EPHB1: variants seen among roughly 807,000 people sequenced by gnomAD.
The protein encoded by EPHB1 is ephrin type-B receptor 1.
Under a neutral mutation model 94.4 loss-of-function variants are expected in EPHB1, and 30 were observed. That is an observed-to-expected ratio of 0.32 (90% CI 0.24 to 0.43). The LOEUF (loss-of-function observed/expected upper bound fraction) is 0.43. Ranked by LOEUF, EPHB1 falls within the 20% of genes least tolerant of loss-of-function variation. EPHB1 has a pLI of 1.00. For missense variants in EPHB1, 1,055 were observed against 1,308.3 expected (o/e 0.81, Z 2.99); for synonymous variants, 522 against 489.1 (o/e 1.07, Z -0.89).
At chr3:135,081,801 T>C (rs1309326169) in intron 3 of EPHB1, among the ~76,000 whole-genome samples, 1 of 151,976 alleles carries the variant, frequency 6.6e-6, no homozygotes, top group East Asian at 1.9e-4. Flanking sequence ...CTTCAATACC[T>C]AAATGGCAAT....
At chr3:134,882,283 T>C (rs2037746562) in intron 1 of EPHB1, among the ~76,000 whole-genome samples, 1 of 152,142 alleles carries the variant, frequency 6.6e-6, no homozygotes, top group South Asian at 2.1e-4. Context: ...AAGAAAAACT[T>C]GTCAGAAATT....
intron 1 of EPHB1, among the ~76,000 whole-genome samples, chr3:134,830,865 G>T (rs1330520072): frequency 1.3e-5 from 2 of 152,152 alleles, no homozygotes; most frequent in Non-Finnish European, 2.9e-5. Context: ...CTCGATACAA[G>T]GGTGCTACAG....
chr3:134,952,169 A>G (rs1194360646), intron 3 of EPHB1, 117 bp downstream of exon 3: 1 of 1,115,758 alleles, frequency 9.0e-7, no homozygotes, highest in African/African-American at 1.6e-5. Context: ...GCTTATTATA[A>G]AGCTCTGAGG....
intron 4 of EPHB1, among the ~76,000 whole-genome samples, chr3:135,126,217 G>A (rs1247829067): frequency 6.6e-6 from 1 of 152,128 alleles, no homozygotes; most frequent in Non-Finnish European, 1.5e-5. Flanking sequence ...TCATATTGAA[G>A]TAATTTTTCC....
chr3:134,980,974 G>C (rs1350784912), intron 3 of EPHB1, among the ~76,000 whole-genome samples: 1 of 152,136 alleles, frequency 6.6e-6, no homozygotes, highest in Non-Finnish European at 1.5e-5. Context: ...CTTTATCCAT[G>C]AGCTCAACAG....
At chr3:135,119,964 A>G (rs1218275940) in intron 4 of EPHB1, among the ~76,000 whole-genome samples, 1 of 152,026 alleles carries the variant, frequency 6.6e-6, no homozygotes, top group Non-Finnish European at 1.5e-5. Context: ...TATTCTTTCT[A>G]ATTGGTGGTT....
At chr3:135,131,802 G>T (rs1186667918) in intron 4 of EPHB1, among the ~76,000 whole-genome samples, 1 of 152,200 alleles carries the variant, frequency 6.6e-6, no homozygotes, top group East Asian at 1.9e-4. Flanking sequence ...GTGAGTCCCA[G>T]TGAGCCTGTC....
chr3:135,031,851 G>A (rs1024537777), intron 3 of EPHB1, among the ~76,000 whole-genome samples: 7 of 151,938 alleles, frequency 4.6e-5, no homozygotes, highest in African/African-American at 1.2e-4. Context: ...CTTATATTTC[G>A]TTGATTGGCT....
intron 1 of EPHB1, among the ~76,000 whole-genome samples, chr3:134,895,312 A>G (rs2107687183): frequency 6.6e-6 from 1 of 152,218 alleles, no homozygotes; most frequent in Middle Eastern, 3.4e-3. Flanking sequence ...TCACCAGATA[A>G]TCTGTGAGTG....
chr3:134,826,889 C>G (rs1477632076), intron 1 of EPHB1, among the ~76,000 whole-genome samples: 2 of 152,206 alleles, frequency 1.3e-5, no homozygotes, highest in Non-Finnish European at 2.9e-5. Context: ...TGCTTCAGCT[C>G]TCTTCTCTGA....
chr3:135,063,718 A>C (rs1168516899), intron 3 of EPHB1, among the ~76,000 whole-genome samples: 1 of 152,122 alleles, frequency 6.6e-6, no homozygotes, highest in Admixed American at 6.5e-5. Flanking sequence ...TAGAACTTCT[A>C]GTACTGTGTT....
intron 3 of EPHB1, among the ~76,000 whole-genome samples, chr3:135,024,847 G>C (rs1322430153): frequency 6.6e-6 from 1 of 151,870 alleles, no homozygotes; most frequent in African/African-American, 2.4e-5. Context: ...TTTAGACATT[G>C]TCTTTTGACT....
rs1941641484 is a variant in EPHB1, at chr3:135,165,994, C to A, written c.1612C>A (p.Gln538Lys). The part of the protein sequence containing the change: ...DDDYKSELRE[Q>K]LPLIAGSAAA... The stretch of plus-strand genomic sequence containing the variant: ...TGATTACAAGTCAGAGCTGAGGGAG[C>A]AGCTGCCCCTGATTGCTGGCTCGGC... Residue 538 changes from glutamine to lysine, a missense_variant, in exon 8 of 16, where the codon CAG becomes AAG. Coordinates refer to ENST00000398015, the MANE Select transcript of EPHB1 (RefSeq NM_004441.5). 1 of 1,613,806 alleles carries A rather than the reference C, an allele frequency of 6.2e-7. No individual in the cohort carries two copies.
intron 10 of EPHB1, among the ~76,000 whole-genome samples, chr3:135,182,432 G>T (rs887784234): frequency 6.6e-6 from 1 of 151,828 alleles, no homozygotes; most frequent in Admixed American, 6.6e-5. Context: ...CTTCCCTCAG[G>T]CTTTTACTGA....
chr3:134,814,432 C>T lies in EPHB1; in HGVS notation c.58+18743C>T, dbSNP rs1036077361. Among the ~76,000 whole-genome samples, 7 of 151,934 alleles carry T rather than the reference C, an allele frequency of 4.6e-5. No individual in the cohort carries two copies. The South Asian group carries it at 6.3e-4, about 14-fold the overall frequency. On this transcript the variant is annotated intron_variant, in intron 1 of 15. Transcript: ENST00000398015. The stretch of plus-strand genomic sequence containing the variant: ...AGCAATTACATTCAAGTAAGTGCTC[C>T]GTGATATAGCCAGGGGCTCGGTGAT...
Position 135,192,643 on chromosome 3 carries a change from C to T in EPHB1, c.1950C>T (p.Ile650=), listed in dbSNP as rs906585982. ...LPGKREIYVA[I]KTLKAGYSEK... ...GCAAGAGGGAAATCTACGTGGCCAT[C>T]AAGACCCTGAAGGCAGGGTACTCGG... The change falls in exon 11 of 16, where the codon ATC becomes ATT. Residue 650 remains isoleucine (I), a synonymous_variant. Transcript: ENST00000398015. 3 of 1,614,106 alleles carry T rather than the reference C, an allele frequency of 1.9e-6. No individual in the cohort carries two copies. The highest frequency in any genetic ancestry group is 2.5e-6 in the Non-Finnish European group (3 of 1,179,994).
chr3:134,883,255 CA>C (rs199536993), intron 1 of EPHB1, among the ~76,000 whole-genome samples: 2,364 of 152,306 alleles, frequency 0.016, 31 homozygotes, highest in Non-Finnish European at 0.023. Context: ...AAACTGGAAA[CA>C]TATCCAAACA....
chr3:135,039,867 AGTGCAGTGG>A (rs1936779793), intron 3 of EPHB1, among the ~76,000 whole-genome samples: 1 of 152,186 alleles, frequency 6.6e-6, no homozygotes, highest in Non-Finnish European at 1.5e-5. Context: ...GGGCTCCCAC[AGTGCAGTGG>A]GGGGGCTGAA....
chr3:135,229,437 T>C (rs955478500), intron 12 of EPHB1, among the ~76,000 whole-genome samples: 2 of 152,116 alleles, frequency 1.3e-5, no homozygotes, highest in African/African-American at 2.4e-5. Flanking sequence ...TAAATAGCTG[T>C]TGGAGGGCGG....
Sources: allele counts gnomAD v4.1 joint callset (sites outside exome capture counted in the v4.1 genomes callset), GRCh38; gene constraint gnomAD v4.1.1; transcripts MANE v1.5; gene names NCBI Gene and HGNC (gene_info 2026-07-23, HGNC 2026-07-21).